CFTR: variants seen among roughly 807,000 people sequenced by gnomAD.
CFTR encodes CF transmembrane conductance regulator, also known as cystic fibrosis transmembrane conductance regulator.
In CFTR, 181 loss-of-function variants were observed where a neutral mutation model predicts 171.6. That is an observed-to-expected ratio of 1.05 (90% confidence interval 0.93 to 1.19). The LOEUF (loss-of-function observed/expected upper bound fraction) is 1.19. Among genes scored for constraint, CFTR ranks in the 50% most tolerant of loss-of-function variants. The pLI, the probability that CFTR is intolerant of heterozygous loss-of-function variation, is 0.00. For synonymous variants in CFTR, 583 were observed against 608.0 expected (o/e 0.96, Z 0.60); for missense variants, 1,968 against 1,734.7 (o/e 1.13, Z -2.39).
chr7:117,520,485 G>A (rs1274276343), intron 3 of CFTR, among the ~76,000 whole-genome samples: 1 of 151,620 alleles, frequency 6.6e-6, no homozygotes, highest in Non-Finnish European at 1.5e-5. Context: ...GTATGAGGTA[G>A]AAATCTAATT....
At chr7:117,648,568 A>G (rs1042422031) in intron 23 of CFTR, among the ~76,000 whole-genome samples, 6 of 152,154 alleles carry the variant, frequency 3.9e-5, no homozygotes, top group South Asian at 2.1e-4. Flanking sequence ...GTTTCTTAAA[A>G]GAGAGATAAA....
At chr7:117,605,527 T>C (rs1792287849) in intron 17 of CFTR, among the ~76,000 whole-genome samples, 1 of 152,088 alleles carries the variant, frequency 6.6e-6, no homozygotes, top group Non-Finnish European at 1.5e-5. Context: ...ATGCATATAG[T>C]CATTATAACA....
chr7:117,642,388 G>C (rs775038647), intron 22 of CFTR, 50 bp from the exon 23 acceptor site: 9 of 1,508,802 alleles, frequency 6.0e-6, no homozygotes, highest in Non-Finnish European at 7.4e-6. Context: ...TATGTTTATG[G>C]CATGGTACCT....
intron 20 of CFTR, among the ~76,000 whole-genome samples, chr7:117,613,688 C>G (rs1428235937): frequency 7.2e-5 from 11 of 152,016 alleles, no homozygotes; most frequent in Admixed American, 7.2e-4. Flanking sequence ...ATACTACATG[C>G]AGATATATGC....
chr7:117,508,068 C>T (rs1432160822), intron 2 of CFTR, among the ~76,000 whole-genome samples: 1 of 152,140 alleles, frequency 6.6e-6, no homozygotes, highest in African/African-American at 2.4e-5. Flanking sequence ...GAGCCACTGC[C>T]CCGGCCTATT....
intron 20 of CFTR, among the ~76,000 whole-genome samples, chr7:117,613,388 C>G (rs1035483412): frequency 3.3e-5 from 5 of 152,016 alleles, no homozygotes; most frequent in Admixed American, 3.3e-4. Context: ...TATTATTATC[C>G]CTGGCTCAAT....
chr7:117,584,529 C>T (rs1308674356), intron 11 of CFTR, among the ~76,000 whole-genome samples: 1 of 151,984 alleles, frequency 6.6e-6, no homozygotes, highest in Non-Finnish European at 1.5e-5. Context: ...CCATTGTCTA[C>T]TTGCCTATTT....
In CFTR at chr7:117,587,758, A is replaced by G; in HGVS notation, c.1604A>G (p.Glu535Gly). Residue 535 changes from glutamate to glycine, a missense_variant, in exon 12 of 27, where the codon GAG becomes GGG. Transcript: ENST00000003084. ...QLEEDISKFA[E>G]KDNIVLGEGG... ...TAATAGGACATCTCCAAGTTTGCAG[A>G]GAAAGACAATATAGTTCTTGGAGAA... 1.9e-6 allele frequency: 3 copies of G among 1,609,858 alleles called. No individual in the cohort carries two copies. The highest frequency in any genetic ancestry group is 2.6e-6 in the Non-Finnish European group (3 of 1,176,312).
At chr7:117,508,216 G>A (rs1039811527) in intron 2 of CFTR, among the ~76,000 whole-genome samples, 3 of 152,128 alleles carry the variant, frequency 2.0e-5, no homozygotes, top group African/African-American at 7.2e-5. Context: ...TTTCATCTCT[G>A]TACAGTTTGA....
At chr7:117,625,532 A>C (rs769355275) in intron 21 of CFTR, among the ~76,000 whole-genome samples, 21 of 152,288 alleles carry the variant, frequency 1.4e-4, no homozygotes, top group Admixed American at 2.6e-4. Context: ...TAAATGTTTT[A>C]TAGATTGTTT....
chr7:117,531,119 T>G lies in CFTR; in HGVS notation c.489+5T>G. Reference sequence around the variant, plus strand: ...TTTAGTTTGATTTATAAGAAGGTAATACTTCCTTGCACAGGCCCCATGGCA... The same window carrying G: ...TTTAGTTTGATTTATAAGAAGGTAAGACTTCCTTGCACAGGCCCCATGGCA... On this transcript the variant is annotated splice_donor_5th_base_variant and intron_variant, in intron 4 of 26. Coordinates refer to ENST00000003084, the MANE Select transcript of CFTR (RefSeq NM_000492.4). The G allele has an allele frequency of 6.2e-7, 1 of 1,602,656 alleles. No individual in the cohort carries two copies. The highest frequency in any genetic ancestry group is 8.5e-7 in the Non-Finnish European group (1 of 1,170,984).
Position 117,594,988 on chromosome 7 carries a change from T to G in CFTR, c.2549T>G (p.Leu850Arg). 6.2e-7 allele frequency: 1 copy of G among 1,612,934 alleles called. No homozygotes were observed. Among genetic ancestry groups the G allele is most frequent in the Non-Finnish European group, 8.5e-7 (1 of 1,179,222 alleles). The change falls in exon 15 of 27, where the codon CTT becomes CGT. Residue 850 changes from leucine (L) to arginine (R), a missense_variant. Coordinates refer to ENST00000003084, the MANE Select transcript of CFTR (RefSeq NM_000492.4). ...IPAVTTWNTY[L>R]RYITVHKSLI... ...GCAGTGACTACATGGAACACATACC[T>G]TCGATATATTACTGTCCACAAGAGC...
intron 15 of CFTR, among the ~76,000 whole-genome samples, chr7:117,599,855 A>G (rs1384614602): frequency 6.6e-6 from 1 of 152,090 alleles, no homozygotes; most frequent in Non-Finnish European, 1.5e-5. Flanking sequence ...TACCATTGAA[A>G]TGTCTCATGA....
At chr7:117,500,618 A>G (rs138369311) in intron 1 of CFTR, among the ~76,000 whole-genome samples, 4 of 151,998 alleles carry the variant, frequency 2.6e-5, no homozygotes, top group African/African-American at 9.6e-5. Context: ...ATTCAATTTT[A>G]TTGATTTAAC....
At chr7:117,513,890 A>G (rs192879307) in intron 3 of CFTR, among the ~76,000 whole-genome samples, 1 of 152,288 alleles carries the variant, frequency 6.6e-6, no homozygotes, top group Non-Finnish European at 1.5e-5. Context: ...CATCTCTAAC[A>G]CAGATGCACT....
intron 10 of CFTR, among the ~76,000 whole-genome samples, chr7:117,557,091 T>C (rs2115930092): frequency 6.6e-6 from 1 of 152,298 alleles, no homozygotes; most frequent in Non-Finnish European, 1.5e-5. Context: ...GGTAATACTT[T>C]AGCTGTATAT....
intron 11 of CFTR, among the ~76,000 whole-genome samples, chr7:117,572,104 C>G (rs911312784): frequency 1.3e-5 from 2 of 152,080 alleles, no homozygotes; most frequent in South Asian, 4.1e-4. Flanking sequence ...CGGGTTCAAG[C>G]GATTCTCCTG....
At chr7:117,585,357 A>G (rs931419937) in intron 11 of CFTR, among the ~76,000 whole-genome samples, 3 of 152,108 alleles carry the variant, frequency 2.0e-5, no homozygotes, top group Non-Finnish European at 4.4e-5. Flanking sequence ...TATTTTCTAT[A>G]GTCAACTGTG....
At chr7:117,603,807 A>T in intron 17 of CFTR, 25 bp downstream of exon 17, 1 of 1,611,996 alleles carries the variant, frequency 6.2e-7, no homozygotes, top group Non-Finnish European at 8.5e-7. Context: ...CTAAGAAATG[A>T]AACTGCTGAT....
Sources: allele counts gnomAD v4.1 joint callset (sites outside exome capture counted in the v4.1 genomes callset), GRCh38; gene constraint gnomAD v4.1.1; transcripts MANE v1.5; gene names NCBI Gene and HGNC (gene_info 2026-07-23, HGNC 2026-07-21).